Variants in SLC44A5 observed in about 807,000 individuals in gnomAD.
SLC44A5 encodes solute carrier family 44 member 5.
SLC44A5 carries 57 observed loss-of-function variants against 101.8 expected under a neutral mutation model. That is an observed-to-expected ratio of 0.56 (90% confidence interval 0.45 to 0.70). The LOEUF is 0.70. Among genes scored for constraint, SLC44A5 ranks in the 30% least tolerant of loss-of-function variants. The pLI is 0.00. For missense variants in SLC44A5, 737 were observed against 853.1 expected (o/e 0.86, Z 1.70); for synonymous variants, 281 against 290.9 (o/e 0.97, Z 0.35).
chr1:75,417,155 G>T (rs1397043603), intron 2 of SLC44A5, among the ~76,000 whole-genome samples: 1 of 152,114 alleles, frequency 6.6e-6, no homozygotes, highest in East Asian at 1.9e-4. Flanking sequence ...ATGTGTTATG[G>T]GAGGAACCTG....
chr1:75,360,654 G>A (rs998794793), intron 3 of SLC44A5, among the ~76,000 whole-genome samples: 1 of 152,034 alleles, frequency 6.6e-6, no homozygotes, highest in Non-Finnish European at 1.5e-5. Flanking sequence ...TCTCTGTCCC[G>A]TGCCATTGTT....
At chr1:75,670,028 A>G in the SLC44A5 span, among the ~76,000 whole-genome samples, 2 of 152,220 alleles carry the variant, frequency 1.3e-5, no homozygotes, top group Admixed American at 1.3e-4. Flanking sequence ...ATTAGACATA[A>G]TCCCCAGCCT....
chr1:75,661,000 A>G, the SLC44A5 span, among the ~76,000 whole-genome samples: 3 of 152,144 alleles, frequency 2.0e-5, no homozygotes, highest in Non-Finnish European at 2.9e-5. Context: ...TAAAATCTGT[A>G]TGGAATCACA....
At chr1:75,520,930 T>C (rs1033965648) in intron 2 of SLC44A5, among the ~76,000 whole-genome samples, 2 of 151,356 alleles carry the variant, frequency 1.3e-5, no homozygotes, top group African/African-American at 4.9e-5. Context: ...CAAGTTTGCT[T>C]TGACAGGGAG....
intron 5 of SLC44A5, among the ~76,000 whole-genome samples, chr1:75,298,890 C>T (rs1654201640): frequency 1.3e-5 from 2 of 152,146 alleles, no homozygotes; most frequent in South Asian, 4.1e-4. Flanking sequence ...TCATTTACTC[C>T]TCACAACAGC....
At chr1:75,272,520 T>A (rs1651572351) in intron 6 of SLC44A5, among the ~76,000 whole-genome samples, 1 of 152,078 alleles carries the variant, frequency 6.6e-6, no homozygotes, top group South Asian at 2.1e-4. Flanking sequence ...TTTTATGGTT[T>A]CAGGTCCTAG....
intron 3 of SLC44A5, among the ~76,000 whole-genome samples, chr1:75,384,562 C>T (rs1263857772): frequency 1.1e-4 from 10 of 93,560 alleles, no homozygotes; most frequent in Admixed American, 7.8e-4. Flanking sequence ...TAAAGCAAGT[C>T]CTGAGTGACC....
At chr1:75,371,916 G>A (rs1302190815) in intron 3 of SLC44A5, among the ~76,000 whole-genome samples, 1 of 152,214 alleles carries the variant, frequency 6.6e-6, no homozygotes, top group Non-Finnish European at 1.5e-5. Flanking sequence ...CTCCAAGGTA[G>A]CTGGGCGCAG....
At chr1:75,669,609 C>T in the SLC44A5 span, among the ~76,000 whole-genome samples, 79,684 of 152,018 alleles carry the variant, frequency 0.52, 21,920 homozygotes, top group Middle Eastern at 0.65. Flanking sequence ...CTTTTAATAA[C>T]GAACATTCCC....
At chr1:75,377,260 A>G (rs1660696515) in intron 3 of SLC44A5, among the ~76,000 whole-genome samples, 1 of 128,100 alleles carries the variant, frequency 7.8e-6, no homozygotes, top group African/African-American at 3.0e-5. Context: ...GTCAACTCAG[A>G]GTTAAATGGA....
the SLC44A5 span, among the ~76,000 whole-genome samples, chr1:75,650,122 C>T: frequency 2.0e-5 from 3 of 151,984 alleles, no homozygotes; most frequent in Non-Finnish European, 4.4e-5. Context: ...GGATATAATG[C>T]ATAGTGGTGA....
intron 1 of SLC44A5, among the ~76,000 whole-genome samples, chr1:75,545,783 C>A (rs1368054675): frequency 2.0e-5 from 3 of 151,098 alleles, no homozygotes; most frequent in African/African-American, 7.3e-5. Flanking sequence ...TTTACTATTT[C>A]TTCTACATTT....
the SLC44A5 span, among the ~76,000 whole-genome samples, chr1:75,621,036 T>C: frequency 1.3e-5 from 2 of 152,196 alleles, no homozygotes; most frequent in African/African-American, 2.4e-5. Flanking sequence ...GGGTCCAGTT[T>C]CAGTTTTCTG....
chr1:75,613,170 G>T (rs766920705), upstream of SLC44A5, among the ~76,000 whole-genome samples: 47 of 152,346 alleles, frequency 3.1e-4, no homozygotes, highest in Non-Finnish European at 1.0e-4. Flanking sequence ...CCTGCATGCG[G>T]TGTAGCTAAG....
chr1:75,329,171 T>G (rs934387088), intron 4 of SLC44A5, among the ~76,000 whole-genome samples: 1 of 152,192 alleles, frequency 6.6e-6, no homozygotes, highest in African/African-American at 2.4e-5. Context: ...ATTTCAGAGT[T>G]ACTCTAGACT....
the SLC44A5 span, among the ~76,000 whole-genome samples, chr1:75,617,709 T>G: frequency 6.6e-6 from 1 of 152,206 alleles, no homozygotes; most frequent in African/African-American, 2.4e-5. Flanking sequence ...CTCAGACTTA[T>G]GATCAGAAAT....
the SLC44A5 span, among the ~76,000 whole-genome samples, chr1:75,700,108 G>T: frequency 2.0e-5 from 3 of 152,046 alleles, no homozygotes; most frequent in South Asian, 6.2e-4. Context: ...GAGACAGAAA[G>T]TTAACAAGGA....
the SLC44A5 span, among the ~76,000 whole-genome samples, chr1:75,661,701 TTC>T: frequency 1.3e-5 from 2 of 152,114 alleles, 1 homozygote; most frequent in Non-Finnish European, 2.9e-5. Flanking sequence ...GAATAGCCAT[TTC>T]TCAAAAGGAG....
intron 4 of SLC44A5, among the ~76,000 whole-genome samples, chr1:75,322,796 ACT>A (rs1256018051): frequency 6.6e-6 from 1 of 152,082 alleles, no homozygotes; most frequent in African/African-American, 2.4e-5. Flanking sequence ...AGGAGAAAGA[ACT>A]CTACACTCAT....
Sources: allele counts gnomAD v4.1 joint callset (sites outside exome capture counted in the v4.1 genomes callset), GRCh38; gene constraint gnomAD v4.1.1; transcripts MANE v1.5; gene names NCBI Gene and HGNC (gene_info 2026-07-23, HGNC 2026-07-21).